IQSEC1: variants seen among roughly 807,000 people sequenced by gnomAD.
The protein encoded by IQSEC1 is IQ motif and SEC7 domain-containing protein 1.
A neutral mutation model predicts 91.0 loss-of-function variants in IQSEC1; 31 were observed. That is an observed-to-expected ratio of 0.34 (90% CI 0.26 to 0.46). The LOEUF is 0.46. Among genes scored for constraint, IQSEC1 ranks in the 20% least tolerant of loss-of-function variants. The pLI is 1.00. For missense variants in IQSEC1, 1,388 were observed against 1,575.6 expected, an observed-to-expected ratio of 0.88 and a Z score of 2.02; for synonymous variants, 699 against 662.6, an observed-to-expected ratio of 1.05 and a Z score of -0.84.
chr3:13,137,354 A>G (rs1055936079), intron 2 of IQSEC1, among the ~76,000 whole-genome samples: 1 of 152,328 alleles, frequency 6.6e-6, no homozygotes, highest in Middle Eastern at 3.4e-3. Flanking sequence ...ACATCAGCGA[A>G]AATAAACTAT....
intron 1 of IQSEC1, among the ~76,000 whole-genome samples, chr3:13,066,388 C>T (rs113367450): frequency 2.6e-5 from 4 of 152,364 alleles, no homozygotes; most frequent in African/African-American, 7.2e-5. Context: ...AACAGAGGGG[C>T]CGGCACTGTG....
chr3:13,192,941 C>T (rs1295832417), intron 1 of IQSEC1, among the ~76,000 whole-genome samples: 3 of 152,252 alleles, frequency 2.0e-5, no homozygotes, highest in African/African-American at 7.2e-5. Context: ...GAGTGCAGAA[C>T]CAGAGTGAGG....
intron 1 of IQSEC1, among the ~76,000 whole-genome samples, chr3:13,048,729 G>A (rs1704583440): frequency 1.3e-5 from 2 of 152,192 alleles, no homozygotes; most frequent in African/African-American, 4.8e-5. Flanking sequence ...CTGTCTAGCT[G>A]CCATTGTGGC....
At position 13,103,270 on chromosome 3, in the gene IQSEC1, G is replaced by C. The variant is rs1423418165; in HGVS notation, c.303-55748C>G. ...CAGCTTCCCATTAAGCAGATCAATA[G>C]CTTCCACTGGTTTCCAATTTGTGTT... On this transcript the variant is annotated intron_variant, in intron 2 of 15. Coordinates refer to the IQSEC1 transcript ENST00000648114. The surrounding 1 kb of genome is among the most constrained non-coding windows in gnomAD (Gnocchi z 4.1). Among the ~76,000 whole-genome samples the C allele has an allele frequency of 4.6e-5, 7 of 152,044 alleles. No homozygotes were observed. Among genetic ancestry groups the C allele is most frequent in the Non-Finnish European group, 1.0e-4 (7 of 68,012 alleles).
intron 1 of IQSEC1, among the ~76,000 whole-genome samples, chr3:13,178,270 C>T (rs957600584): frequency 6.6e-6 from 1 of 152,236 alleles, no homozygotes; most frequent in Non-Finnish European, 1.5e-5. Flanking sequence ...GACACAAGAG[C>T]CTGCTGTGAC....
At chr3:13,041,466 C>A (rs977835373) in intron 1 of IQSEC1, among the ~76,000 whole-genome samples, 2 of 152,156 alleles carry the variant, frequency 1.3e-5, no homozygotes, top group African/African-American at 4.8e-5. Context: ...TGCTAATGGC[C>A]GCAGACTTCA....
intron 2 of IQSEC1, 98 bp from the exon 3 acceptor site, chr3:12,936,795 C>T (rs550912646): frequency 1.6e-6 from 2 of 1,247,732 alleles, no homozygotes; most frequent in Non-Finnish European, 2.2e-6. Flanking sequence ...GGCTGTGCGA[C>T]CTGGGAAGGT....
At chr3:12,927,556 C>A (rs1385229105) in intron 3 of IQSEC1, among the ~76,000 whole-genome samples, 2 of 152,172 alleles carry the variant, frequency 1.3e-5, no homozygotes, top group Admixed American at 1.3e-4. Context: ...TCTTTTTTTG[C>A]CCCCATCCAC....
chr3:13,099,571 A>G (rs1262545030), intron 2 of IQSEC1, among the ~76,000 whole-genome samples: 2 of 152,124 alleles, frequency 1.3e-5, no homozygotes, highest in Admixed American at 1.3e-4. Flanking sequence ...GGCCATGGAA[A>G]CGCAAGCCAG....
intron 2 of IQSEC1, among the ~76,000 whole-genome samples, chr3:13,131,229 C>T (rs1272187457): frequency 6.6e-6 from 1 of 151,824 alleles, no homozygotes; most frequent in Non-Finnish European, 1.5e-5. Flanking sequence ...CTTCTTTATT[C>T]CTAGTAACAT....
rs1701337689 is a variant in IQSEC1 at position 12,979,177 on chromosome 3, A to G, written c.24-37312T>C. ...CTCTTCATTCTATCAAGAAAACTTTATATCTGCTCCACAAGTGAAAAGCCA... is the reference window on the plus strand; with the variant it reads ...CTCTTCATTCTATCAAGAAAACTTTGTATCTGCTCCACAAGTGAAAAGCCA... On this transcript the variant is annotated intron_variant, in intron 1 of 13. Transcript: ENST00000613206. This position sits in a 1 kb window ranked among gnomAD's most constrained non-coding sequence, Gnocchi z 4.3. Among the ~76,000 whole-genome samples the G allele has an allele frequency of 6.6e-6, 1 of 152,234 alleles. No individual in the cohort carries two copies. The highest frequency in any genetic ancestry group is 6.5e-5 in the Admixed American group (1 of 15,288).
At chr3:12,919,990 A>T (rs868153158) in intron 6 of IQSEC1, among the ~76,000 whole-genome samples, 1 of 152,252 alleles carries the variant, frequency 6.6e-6, no homozygotes, top group Non-Finnish European at 1.5e-5. Flanking sequence ...ACTCAGCAGC[A>T]CTGCTTTCTT....
chr3:12,985,650 CG>C lies in IQSEC1; in HGVS notation c.24-43786del, dbSNP rs201202914. Among the ~76,000 whole-genome samples, 1,309 of 152,208 alleles carry C rather than the reference CG, an allele frequency of 8.6e-3. 25 individuals are homozygous for C. Among genetic ancestry groups the C allele is most frequent in the African/African-American group, 0.03 (1,244 of 41,490 alleles). Reference sequence around the variant, plus strand: ...GGCCAGAGTGGGCGGATTTAAAGGACGGGTGGCAGAGTGGGGGGGGTCACTG... The same window carrying C: ...GGCCAGAGTGGGCGGATTTAAAGGACGGTGGCAGAGTGGGGGGGGTCACTG... On this transcript the variant is annotated intron_variant, in intron 1 of 13. Coordinates refer to ENST00000613206, the MANE Select transcript of IQSEC1 (RefSeq NM_001134382.3).
chr3:13,117,464 G>C (rs1156764332), intron 2 of IQSEC1, among the ~76,000 whole-genome samples: 1 of 148,990 alleles, frequency 6.7e-6, no homozygotes, highest in Non-Finnish European at 1.5e-5. Context: ...CGTGCTACCA[G>C]GGAGCCTGAG....
upstream of IQSEC1, among the ~76,000 whole-genome samples, chr3:13,076,895 C>A (rs1705570845): frequency 6.6e-6 from 1 of 152,148 alleles, no homozygotes; most frequent in South Asian, 2.1e-4. Flanking sequence ...GCAGAGGTGA[C>A]CGCTGTCATC....
chr3:13,127,037 T>G (rs1007764468), intron 2 of IQSEC1, among the ~76,000 whole-genome samples: 3 of 152,256 alleles, frequency 2.0e-5, no homozygotes, highest in Non-Finnish European at 4.4e-5. Flanking sequence ...TCAGAATCAT[T>G]GTTTGAAAGG....
chr3:13,087,669 T>C (rs534639257), intron 2 of IQSEC1, among the ~76,000 whole-genome samples: 18 of 152,366 alleles, frequency 1.2e-4, no homozygotes, highest in African/African-American at 4.3e-4. Flanking sequence ...TCACTTGCTG[T>C]CTTCGTCTAT....
Position 12,935,380 on chromosome 3 carries a change from CCA to C in IQSEC1, c.1568+66_1568+67del, listed in dbSNP as rs1359062425. ...AAGCTCCGTGCTTGGAAGGATGCAG[CCA>C]CGCCCACCCGCCAAGGCCCAGCAAG... On this transcript the variant is annotated intron_variant, in intron 3 of 13. Transcript: ENST00000613206. The surrounding 1 kb of genome is among the most constrained non-coding windows in gnomAD (Gnocchi z 8.0). 1.6e-5 allele frequency: 24 copies of C among 1,478,844 alleles called. No individual in the cohort carries two copies. The highest frequency in any genetic ancestry group is 2.2e-5 in the Non-Finnish European group (24 of 1,082,366). The allele number at this position is 1,478,844 out of a possible 1,614,324, so 91.6% of individuals were successfully genotyped here.
chr3:13,150,172 A>G (rs1706970032), intron 2 of IQSEC1, among the ~76,000 whole-genome samples: 1 of 152,218 alleles, frequency 6.6e-6, no homozygotes. Flanking sequence ...TTTTCCCAAC[A>G]GGGTCAAGAA....
Sources: gnomAD v4.1 joint callset for allele counts (sites outside exome capture counted in the v4.1 genomes callset) on GRCh38, gnomAD v4.1.1 for gene constraint, Gnocchi (gnomAD v3.1) non-coding constraint, MANE v1.5 for transcripts, NCBI Gene and HGNC (gene_info 2026-07-23, HGNC 2026-07-21) for gene names.